The following DIP2C variants were observed in gnomAD, a reference collection of about 807,000 sequenced individuals.
DIP2C encodes the protein DIP2 acetate--CoA ligase C (putative).
In DIP2C, 33 loss-of-function variants were observed where a neutral mutation model predicts 192.4. The ratio of observed to expected loss-of-function variants is 0.17; its 90% CI spans 0.13 to 0.23. The LOEUF is 0.23. Among genes scored for constraint, DIP2C ranks in the 10% least tolerant of loss-of-function variants. The pLI, the probability that DIP2C is intolerant of heterozygous loss-of-function variation, is 1.00. For missense variants in DIP2C, 1,537 were observed against 2,110.1 expected (o/e 0.73, Z 5.32); for synonymous variants, 979 against 864.1 (o/e 1.13, Z -2.33).
chr10:442,669 C>T (rs1967845696), intron 3 of DIP2C, among the ~76,000 whole-genome samples: 1 of 152,212 alleles, frequency 6.6e-6, no homozygotes, highest in Non-Finnish European at 1.5e-5. Context: ...CATGAATTTT[C>T]TAAGTCAAAT....
At chr10:500,037 G>A (rs1017788645) in intron 1 of DIP2C, among the ~76,000 whole-genome samples, 4 of 152,228 alleles carry the variant, frequency 2.6e-5, no homozygotes, top group African/African-American at 9.6e-5. Flanking sequence ...GGGCCACTGA[G>A]AGCAAGTTCA....
chr10:544,450 T>TG (rs1848174540), intron 1 of DIP2C, among the ~76,000 whole-genome samples: 1 of 152,270 alleles, frequency 6.6e-6, no homozygotes, highest in Non-Finnish European at 1.5e-5. Context: ...GGCATATGCC[T>TG]GGGAGTGAAA....
intron 1 of DIP2C, among the ~76,000 whole-genome samples, chr10:686,324 C>T (rs982049639): frequency 1.3e-5 from 2 of 151,838 alleles, no homozygotes; most frequent in Non-Finnish European, 2.9e-5. Flanking sequence ...ACCTGCGGGG[C>T]CTCTCCACTA....
chr10:663,025 C>A, intron 1 of DIP2C: 1 of 687,808 alleles, frequency 1.5e-6, no homozygotes. Flanking sequence ...CCAGGAAAGA[C>A]TCTAAACACT....
At chr10:467,476 A>G (rs936666180) in intron 3 of DIP2C, among the ~76,000 whole-genome samples, 118 of 150,430 alleles carry the variant, frequency 7.8e-4, no homozygotes, top group African/African-American at 2.6e-3. Context: ...GCATATGTAT[A>G]CATATGTAAC....
At chr10:495,025 G>T (rs927963031) in intron 1 of DIP2C, among the ~76,000 whole-genome samples, 1 of 152,184 alleles carries the variant, frequency 6.6e-6, no homozygotes, top group African/African-American at 2.4e-5. Flanking sequence ...ATGGTGTATG[G>T]ACAAAACAAA....
intron 17 of DIP2C, among the ~76,000 whole-genome samples, chr10:379,981 T>C (rs1379490037): frequency 1.3e-5 from 2 of 151,464 alleles, no homozygotes; most frequent in African/African-American, 2.4e-5. Context: ...CCCTAGAAGA[T>C]GGTTAACACG....
chr10:351,074 C>T (rs567482391), intron 24 of DIP2C, among the ~76,000 whole-genome samples: 8 of 152,094 alleles, frequency 5.3e-5, no homozygotes, highest in East Asian at 1.9e-4. Flanking sequence ...GAGTGCACAG[C>T]GAGCCCGAGA....
At chr10:581,691 G>A (rs1850673888) in intron 1 of DIP2C, among the ~76,000 whole-genome samples, 1 of 152,158 alleles carries the variant, frequency 6.6e-6, no homozygotes, top group Admixed American at 6.5e-5. Context: ...CAGGATGCAG[G>A]CAGTGAGCCG....
rs115495765 is a variant in DIP2C at position 378,557 on chromosome 10, G to A, written c.1991+4090C>T. ...GACACATGTGAACACATGCAGACAC[G>A]TGAACACAAACATGCAGACATGTGA... is the stretch of plus-strand genomic sequence containing the variant. On this transcript the variant is annotated intron_variant, in intron 17 of 36. Transcript: ENST00000280886. 6.2e-3 allele frequency among the ~76,000 whole-genome samples: 926 copies of A among 150,148 alleles called. 3 individuals carry two copies. The highest frequency in any genetic ancestry group is 0.014 in the Middle Eastern group (4 of 282).
At chr10:346,286 C>T (rs1360902466) in intron 26 of DIP2C, among the ~76,000 whole-genome samples, 1 of 63,414 alleles carries the variant, frequency 1.6e-5, no homozygotes, top group African/African-American at 7.9e-5. Flanking sequence ...ACACATCGCG[C>T]ATAGTTCTCC....
At chr10:424,354 G>GTTTTTTTTTTTTTTTT (rs1564695965) in intron 4 of DIP2C, among the ~76,000 whole-genome samples, 2 of 121,026 alleles carry the variant, frequency 1.7e-5, no homozygotes. Flanking sequence ...TATCACCTTG[G>GTTTTTTTTTTTTTTTT]GTTTTTTTTT....
At chr10:501,250 C>CA (rs1333141248) in intron 1 of DIP2C, among the ~76,000 whole-genome samples, 2 of 152,164 alleles carry the variant, frequency 1.3e-5, no homozygotes, top group African/African-American at 4.8e-5. Flanking sequence ...GTTGATAGTA[C>CA]ACACTTTAGT....
chr10:622,256 T>TAGGGGGAGGGAGG lies in DIP2C; in HGVS notation c.85+67225_85+67237dup, dbSNP rs1421764845. On this transcript the variant is annotated intron_variant, in intron 1 of 36. Coordinates refer to ENST00000280886, the MANE Select transcript of DIP2C (RefSeq NM_014974.3). ...TCCACCCCTCGCCCAGGAGAGATGG[T>TAGGGGGAGGGAGG]AGGGGGAGGGAGGAGGGGGAGGGAG... is the stretch of plus-strand genomic sequence containing the variant. 1.2e-3 allele frequency among the ~76,000 whole-genome samples: 130 copies of TAGGGGGAGGGAGG among 106,176 alleles called. 1 individual carries two copies. The highest frequency in any genetic ancestry group is 1.8e-3 in the Non-Finnish European group (92 of 50,534). The allele number at this position is 106,176 out of a possible 152,430, so 69.7% of individuals were successfully genotyped here. A position where few individuals can be genotyped will look rare whatever the true frequency, so the allele number is the denominator to read the frequency against.
chr10:687,296 G>A (rs968860905), intron 1 of DIP2C, among the ~76,000 whole-genome samples: 2 of 152,212 alleles, frequency 1.3e-5, no homozygotes, highest in African/African-American at 4.8e-5. Context: ...ATGTGGTTAT[G>A]AGACAGAGAA....
At chr10:318,371 G>A (rs541217943) in intron 31 of DIP2C, among the ~76,000 whole-genome samples, 65 of 152,270 alleles carry the variant, frequency 4.3e-4, no homozygotes, top group Admixed American at 1.2e-3. Context: ...CAAACCAATC[G>A]GGCTCTTGCT....
chr10:458,760 C>A (rs1319446030), intron 3 of DIP2C, among the ~76,000 whole-genome samples: 1 of 151,022 alleles, frequency 6.6e-6, no homozygotes, highest in African/African-American at 2.4e-5. Context: ...ACCGGCAGCA[C>A]ATGGCAGAGT....
intron 34 of DIP2C, among the ~76,000 whole-genome samples, chr10:284,916 G>A (rs1004691072): frequency 4.0e-4 from 61 of 152,250 alleles, no homozygotes; most frequent in African/African-American, 1.4e-3. Flanking sequence ...AAGTCACCCT[G>A]GAAATTTCGC....
intron 5 of DIP2C, among the ~76,000 whole-genome samples, chr10:421,739 T>C (rs949344138): frequency 3.9e-5 from 6 of 152,168 alleles, no homozygotes; most frequent in African/African-American, 1.4e-4. Context: ...AAAAAAGAAA[T>C]GGTTTTTTTC....
Sources: gnomAD v4.1 joint callset for allele counts (sites outside exome capture counted in the v4.1 genomes callset) on GRCh38, gnomAD v4.1.1 for gene constraint, MANE v1.5 for transcripts, NCBI Gene and HGNC (gene_info 2026-07-23, HGNC 2026-07-21) for gene names.